The following ITIH4 variants were observed in gnomAD, a reference collection of about 807,000 sequenced individuals.
ITIH4 encodes inter-alpha-trypsin inhibitor heavy chain 4, also known as inter-alpha-trypsin inhibitor heavy chain H4.
In ITIH4, 79 loss-of-function variants were observed where a neutral mutation model predicts 111.8. That is an observed-to-expected ratio of 0.71 (90% CI 0.59 to 0.85). ITIH4 has a LOEUF of 0.85. ITIH4 is among the 40% of genes least tolerant of loss of function. The probability of loss-of-function intolerance (pLI) is 0.00; values close to 1 mark genes in which losing one functional copy is unlikely to be tolerated. For missense variants in ITIH4, 1,065 were observed against 1,195.8 expected (o/e 0.89, Z 1.61); for synonymous variants, 472 against 468.3 (o/e 1.01, Z -0.10).
intron 11 of ITIH4, 95 bp from the exon 12 acceptor site, chr3:52,821,225 C>T (rs1700375739): frequency 1.4e-6 from 2 of 1,453,744 alleles, no homozygotes; most frequent in East Asian, 4.6e-5. Flanking sequence ...GGGGCTGGGG[C>T]AGGTCCCACA....
At chr3:52,826,714 C>T (rs1456179047) in intron 4 of ITIH4, 63 bp from the exon 5 acceptor site, 1 of 1,611,672 alleles carries the variant, frequency 6.2e-7, no homozygotes, top group Non-Finnish European at 8.5e-7. Flanking sequence ...ACAGGAGGCT[C>T]AGGGACAAAG....
intron 11 of ITIH4, 73 bp from the exon 12 acceptor site, chr3:52,821,203 T>C: frequency 6.5e-7 from 1 of 1,545,366 alleles, no homozygotes; most frequent in Non-Finnish European, 8.8e-7. Flanking sequence ...ACTTCTGAGC[T>C]CTTCCATGAT....
At chr3:52,819,321 C>A in intron 17 of ITIH4, 72 bp downstream of exon 17, 1 of 1,583,136 alleles carries the variant, frequency 6.3e-7, no homozygotes, top group Non-Finnish European at 8.6e-7. Context: ...TTTACCCCAC[C>A]CCCCTCTATG....
At position 52,821,117 on chromosome 3, in the gene ITIH4, A is replaced by C. The variant is rs746332965; in HGVS notation, c.1553T>G (p.Ile518Ser). 1.4e-5 allele frequency: 22 copies of C among 1,613,332 alleles called. No individual in the cohort carries two copies. The highest frequency in any genetic ancestry group is 1.8e-5 in the Non-Finnish European group (21 of 1,180,010). ...CACACTGGACTCCGTTTGGAAAGTG[A>C]TGTTCTGTGTAGGCTGGAAAGAGGG... ...TVSGKLPTQN[I>S]TFQTESSVAE... The change falls in exon 12 of 24, where the codon ATC becomes AGC. Residue 518 changes from isoleucine to serine, a missense_variant. Coordinates refer to ENST00000266041, the MANE Select transcript of ITIH4 (RefSeq NM_002218.5).
rs371184979 is a variant in ITIH4, at chr3:52,820,366, C to T, written c.1835-49G>A. On this transcript the variant is annotated intron_variant, in intron 13 of 23. Coordinates refer to ENST00000266041, the MANE Select transcript of ITIH4 (RefSeq NM_002218.5). Reference sequence around the variant, plus strand: ...AGAGACAGACAGACAGAGACACAGACAGACACCGTCAGGGTGGTTTTCATC... The same window carrying T: ...AGAGACAGACAGACAGAGACACAGATAGACACCGTCAGGGTGGTTTTCATC... 2.3e-5 allele frequency: 37 copies of T among 1,583,456 alleles called. No individual in the cohort carries two copies. In the Middle Eastern group the frequency reaches 5.0e-4, roughly 21 times the overall value.
At chr3:52,820,187 G>C (rs570609279) in intron 14 of ITIH4, 104 bp downstream of exon 14, 24 of 1,492,532 alleles carry the variant, frequency 1.6e-5, no homozygotes, top group African/African-American at 2.8e-5. Flanking sequence ...GGAGAGGCCT[G>C]GGTGGACCTG....
In ITIH4 at chr3:52,813,139, C is replaced by A; in HGVS notation, c.*282G>T. 3 of 424,110 alleles carry A rather than the reference C, an allele frequency of 7.1e-6. No individual in the cohort carries two copies. The highest frequency in any genetic ancestry group is 1.3e-5 in the Non-Finnish European group (3 of 236,846). 26.3% of individuals were successfully genotyped at this position (424,110 alleles called of 1,614,324 possible). ...TTTCCTTGTTTGTAAAATGAAGGGG[C>A]TGGACTGAAAGCTCAGCATGGGCCT... On this transcript the variant is annotated 3_prime_UTR_variant, in exon 24 of 24. Transcript: ENST00000266041.
chr3:52,818,672 G>T, intron 17 of ITIH4, 136 bp from the exon 18 acceptor site: 2 of 711,848 alleles, frequency 2.8e-6, no homozygotes, highest in Non-Finnish European at 2.4e-6. Flanking sequence ...TTTGTCACAG[G>T]AGATTTTCAA....
intron 22 of ITIH4, 33 bp from the exon 23 acceptor site, chr3:52,814,104 G>C (rs772358354): frequency 1.2e-6 from 2 of 1,610,152 alleles, no homozygotes; most frequent in Non-Finnish European, 1.7e-6. Context: ...GTAAGGGTCA[G>C]AGACAGAGGA....
chr3:52,827,235 G>T (rs1177409353), intron 2 of ITIH4, 38 bp from the exon 3 acceptor site: 1 of 1,533,784 alleles, frequency 6.5e-7, no homozygotes, highest in Non-Finnish European at 9.0e-7. Context: ...AGAGCCTGGT[G>T]GCAGGGGCCC....
chr3:52,829,097 AG>A (rs752777495), intron 2 of ITIH4, 21 bp downstream of exon 2: 1 of 1,130,982 alleles, frequency 8.8e-7, no homozygotes, highest in East Asian at 3.3e-5. Flanking sequence ...TGGAGAGGGG[AG>A]GAGGGTGGGA....
At chr3:52,821,358 G>A (rs1700377819) in intron 11 of ITIH4, among the ~76,000 whole-genome samples, 1 of 152,150 alleles carries the variant, frequency 6.6e-6, no homozygotes. Flanking sequence ...AAGTAGCCCA[G>A]ATACAATAAG....
At position 52,818,455 on chromosome 3, in the gene ITIH4, G is replaced by A; in HGVS notation, c.2152+7C>T. 1.3e-6 allele frequency: 2 copies of A among 1,598,338 alleles called. No homozygotes were observed. Among genetic ancestry groups the A allele is most frequent in the East Asian group, 2.3e-5 (1 of 44,092 alleles). On this transcript the variant is annotated splice_region_variant and intron_variant, in intron 18 of 23. Transcript: ENST00000266041. ...TGTTAGGACAGGGCCTCTGGCCTTG[G>A]GGGCACCTTCGATTTTCATATTCAT...
intron 23 of ITIH4, 62 bp downstream of exon 23, chr3:52,813,913 C>A: frequency 7.4e-7 from 1 of 1,351,682 alleles, no homozygotes; most frequent in Non-Finnish European, 1.0e-6. Flanking sequence ...GAGCCTGGCT[C>A]CTGGCCTGCC....
At chr3:52,817,462 T>A (rs1352648086) in intron 20 of ITIH4, among the ~76,000 whole-genome samples, 1 of 152,154 alleles carries the variant, frequency 6.6e-6, no homozygotes, top group Non-Finnish European at 1.5e-5. Context: ...AGGAAGTGGG[T>A]GACACATGCA....
intron 11 of ITIH4, among the ~76,000 whole-genome samples, chr3:52,821,523 G>A (rs895353492): frequency 1.3e-5 from 2 of 152,168 alleles, no homozygotes; most frequent in African/African-American, 2.4e-5. Context: ...CAAAGCTGAG[G>A]GAAAGGGACA....
chr3:52,815,760 TCAGCTCACTG>T (rs1700270513), intron 21 of ITIH4, among the ~76,000 whole-genome samples: 2 of 151,942 alleles, frequency 1.3e-5, no homozygotes, highest in Admixed American at 6.6e-5. Flanking sequence ...TGGTGTTAAC[TCAGCTCACTG>T]CAACCTCCAT....
At chr3:52,815,835 G>A (rs1005135835) in intron 21 of ITIH4, among the ~76,000 whole-genome samples, 3 of 151,736 alleles carry the variant, frequency 2.0e-5, no homozygotes, top group South Asian at 4.2e-4. Flanking sequence ...ACAGGTGCCC[G>A]CCACCATACC....
intron 17 of ITIH4, chr3:52,819,167 A>C: frequency 1.9e-6 from 1 of 532,896 alleles, no homozygotes; most frequent in Non-Finnish European, 3.4e-6. Flanking sequence ...GGGCAGCTGC[A>C]AAGAGCTGGG....
Sources: allele counts gnomAD v4.1 joint callset (sites outside exome capture counted in the v4.1 genomes callset), GRCh38; gene constraint gnomAD v4.1.1; transcripts MANE v1.5; gene names NCBI Gene and HGNC (gene_info 2026-07-23, HGNC 2026-07-21).